The following ACAN variants were observed in gnomAD, a reference collection of about 807,000 sequenced individuals.
The protein encoded by ACAN is aggrecan.
Under a neutral mutation model 169.1 loss-of-function variants are expected in ACAN, and 47 were observed. The observed-to-expected ratio is 0.28, with a 90% confidence interval of 0.22 to 0.35. The LOEUF (loss-of-function observed/expected upper bound fraction) is 0.35, where lower values mean the gene tolerates loss of function less well. Among genes scored for constraint, ACAN ranks in the 10% least tolerant of loss-of-function variants. The pLI, the probability that ACAN is intolerant of heterozygous loss-of-function variation, is 1.00. For synonymous variants in ACAN, 1,115 were observed against 1,112.2 expected (o/e 1.00, Z -0.05); for missense variants, 2,716 against 2,759.9 (o/e 0.98, Z 0.36).
At chr15:88,830,768 G>T (rs745891920) in intron 1 of ACAN, among the ~76,000 whole-genome samples, 4 of 152,164 alleles carry the variant, frequency 2.6e-5, no homozygotes, top group Non-Finnish European at 4.4e-5. Flanking sequence ...GAATGCGAAG[G>T]CCTAGTGCAT....
In ACAN at chr15:88,870,964, C is replaced by G; in HGVS notation, c.7061-418C>G. Reference sequence around the variant, plus strand: ...TACCAGCTTCCACTGCCTCCACACACTTCCCCACAGCTCCACTCCCTCTCT... The same window carrying G: ...TACCAGCTTCCACTGCCTCCACACAGTTCCCCACAGCTCCACTCCCTCTCT... On this transcript the variant is annotated intron_variant, in intron 14 of 18. Coordinates refer to ENST00000560601, the MANE Select transcript of ACAN (RefSeq NM_001369268.1). This position sits in a 1 kb window ranked among gnomAD's most constrained non-coding sequence, Gnocchi z 6.3. Among the ~76,000 whole-genome samples, 1 of 152,220 alleles carries G rather than the reference C, an allele frequency of 6.6e-6. No individual in the cohort carries two copies. The highest frequency in any genetic ancestry group is 1.9e-4 in the East Asian group (1 of 5,194).
At chr15:88,833,473 AG>A (rs1253296670) in intron 1 of ACAN, among the ~76,000 whole-genome samples, 1 of 152,024 alleles carries the variant, frequency 6.6e-6, no homozygotes, top group Non-Finnish European at 1.5e-5. Context: ...CCATGGAGAA[AG>A]GCCTCCCTGT....
At chr15:88,837,739 G>T (rs1033256371) in intron 2 of ACAN, among the ~76,000 whole-genome samples, 4 of 152,156 alleles carry the variant, frequency 2.6e-5, no homozygotes, top group African/African-American at 9.7e-5. Context: ...AGAAGGTTAA[G>T]GCCTGGACTC....
At chr15:88,806,352 AT>A (rs34058187) in intron 1 of ACAN, among the ~76,000 whole-genome samples, 29,231 of 146,868 alleles carry the variant, frequency 0.2, 3,682 homozygotes, top group African/African-American at 0.36. Context: ...TTTGGTGTGA[AT>A]TTTTTTTTTT....
In ACAN at chr15:88,871,303, C is replaced by G; in HGVS notation, c.7061-79C>G. On this transcript the variant is annotated intron_variant, in intron 14 of 18. Transcript: ENST00000560601. The surrounding 1 kb of genome is among the most constrained non-coding windows in gnomAD (Gnocchi z 7.8). ...TGGAAGGTGGGGTGAACGCAGGAACCTATGCCATAAGACTGGCAGCATCTG... is the reference window on the plus strand; with the variant it reads ...TGGAAGGTGGGGTGAACGCAGGAACGTATGCCATAAGACTGGCAGCATCTG... The G allele has an allele frequency of 6.3e-7, 1 of 1,586,974 alleles. No homozygotes were observed. Among genetic ancestry groups the G allele is most frequent in the Non-Finnish European group, 8.6e-7 (1 of 1,163,678 alleles).
Position 88,857,231 on chromosome 15 carries a change from C to T in ACAN, c.4646C>T (p.Pro1549Leu). ...GGATTTGGGGACCTCAGTGGACTTCCTTCTGGAGGAGAAGGTCTAGAGACC... is the reference window on the plus strand; with the variant it reads ...GGATTTGGGGACCTCAGTGGACTTCTTTCTGGAGGAGAAGGTCTAGAGACC... Reference protein sequence around the residue: ...ASGFGDLSGLPSGGEGLETSA... With the variant: ...ASGFGDLSGLLSGGEGLETSA... Residue 1549 changes from proline to leucine, a missense_variant, in exon 12 of 19, where the codon CCT becomes CTT. Coordinates refer to ENST00000560601, the MANE Select transcript of ACAN (RefSeq NM_001369268.1). 1 of 1,613,784 alleles carries T rather than the reference C, an allele frequency of 6.2e-7. No homozygotes were observed. Among genetic ancestry groups the T allele is most frequent in the Non-Finnish European group, 8.5e-7 (1 of 1,179,862 alleles).
At chr15:88,837,952 T>C (rs1205418282) in intron 2 of ACAN, among the ~76,000 whole-genome samples, 4 of 151,874 alleles carry the variant, frequency 2.6e-5, no homozygotes, top group Non-Finnish European at 4.4e-5. Flanking sequence ...AGCAGATCTT[T>C]TGTTTCTAAC....
rs1204384289 is a variant in ACAN at position 88,861,812 on chromosome 15, G to C, written c.6946+1373G>C. 6.6e-6 allele frequency among the ~76,000 whole-genome samples: 1 copy of C among 152,176 alleles called. No homozygotes were observed. The highest frequency in any genetic ancestry group is 1.5e-5 in the Non-Finnish European group (1 of 68,032). On this transcript the variant is annotated intron_variant, in intron 13 of 18. Transcript: ENST00000560601. The surrounding 1 kb of genome is among the most constrained non-coding windows in gnomAD (Gnocchi z 6.3). ...CACTAGCATCAGAAGTCAAAGCAAG[G>C]CTCATGTTCTTGGCAGCCCTGAAAT...
Position 88,838,761 on chromosome 15 carries a change from A to G in ACAN, c.169A>G (p.Met57Val), listed in dbSNP as rs1159549993. 1.2e-6 allele frequency: 2 copies of G among 1,613,634 alleles called. No homozygotes were observed. The highest frequency in any genetic ancestry group is 2.7e-5 in the African/African-American group (2 of 74,850). The change falls in exon 3 of 19, where the codon ATG (methionine) becomes GTG (valine). Residue 57 changes from methionine (M) to valine (V), a missense_variant. Physicochemically the swap from Met to Val is conservative, Grantham distance 21. Around this residue, in one of 3 missense-constraint regions of ACAN, gnomAD observed 1,283 missense variants for 1,281.5 expected, o/e 1.00. Coordinates refer to ENST00000560601, the MANE Select transcript of ACAN (RefSeq NM_001369268.1). The surrounding 1 kb of genome is among the most constrained non-coding windows in gnomAD (Gnocchi z 5.1). Reference sequence around the variant, plus strand: ...CATCCCCTGCTATTTCATCGACCCCATGCACCCTGTGACCACCGCCCCTTC... The same window carrying G: ...CATCCCCTGCTATTTCATCGACCCCGTGCACCCTGTGACCACCGCCCCTTC... ...LTIPCYFIDP[M>V]HPVTTAPSTA...
intron 11 of ACAN, among the ~76,000 whole-genome samples, 183 bp downstream of exon 11, chr15:88,852,216 C>G (rs893178198): frequency 6.6e-6 from 1 of 152,168 alleles, no homozygotes; most frequent in Non-Finnish European, 1.5e-5. Flanking sequence ...AGGACCTGCC[C>G]CAGAGTGACA....
rs1310670437 is a variant in ACAN, at chr15:88,839,989, G to A, written c.455-23G>A. On this transcript the variant is annotated intron_variant, in intron 3 of 18. Coordinates refer to ENST00000560601, the MANE Select transcript of ACAN (RefSeq NM_001369268.1). The surrounding 1 kb of genome is among the most constrained non-coding windows in gnomAD (Gnocchi z 4.5). ...CTGTGCCTGACCAGCTCTTCCGCTT[G>A]TGGGCGTGTATGTGTCTTGCAGGCA... The A allele has an allele frequency of 6.3e-7, 1 of 1,584,644 alleles. No individual in the cohort carries two copies. The highest frequency in any genetic ancestry group is 2.3e-5 in the East Asian group (1 of 43,692).
chr15:88,863,522 C>T (rs571213958), intron 13 of ACAN, among the ~76,000 whole-genome samples: 1 of 152,264 alleles, frequency 6.6e-6, no homozygotes, highest in South Asian at 2.1e-4. Flanking sequence ...ATGTGCCAGC[C>T]AAGGATGAAA....
chr15:88,825,704 C>A (rs546523529), intron 1 of ACAN, among the ~76,000 whole-genome samples: 1 of 152,188 alleles, frequency 6.6e-6, no homozygotes, highest in Admixed American at 6.5e-5. Context: ...AAGGGAATCA[C>A]GACAGAGAGG....
At chr15:88,825,799 A>G (rs1181588757) in intron 1 of ACAN, among the ~76,000 whole-genome samples, 1 of 152,080 alleles carries the variant, frequency 6.6e-6, no homozygotes. Flanking sequence ...TCCACTTCCT[A>G]CTGTGCCCAC....
rs1239958387 is a variant in ACAN at position 88,857,815 on chromosome 15, G to T, written c.5230G>T (p.Asp1744Tyr). 1 of 1,613,830 alleles carries T rather than the reference G, an allele frequency of 6.2e-7. No homozygotes were observed. Among genetic ancestry groups the T allele is most frequent in the Non-Finnish European group, 8.5e-7 (1 of 1,179,916 alleles). The change falls in exon 12 of 19, where the codon GAC becomes TAC. Residue 1744 changes from aspartate (D) to tyrosine (Y), a missense_variant. This residue lies in a region of ACAN where 1,389 missense variants were observed against 1,363.7 expected (regional missense o/e 1.02). Transcript: ENST00000560601. ...GVSGQPSGFP[D>Y]TSGETSGVTE... is the part of the protein sequence containing the mutation. ...CAGTGGACAGCCATCAGGGTTTCCT[G>T]ACACTAGTGGGGAAACATCTGGAGT...
intron 6 of ACAN, among the ~76,000 whole-genome samples, chr15:88,844,817 A>G (rs16942331): frequency 0.021 from 3,164 of 152,350 alleles, 100 homozygotes; most frequent in African/African-American, 0.07. Context: ...CTTGGAGGAA[A>G]AAACAATGCC....
intron 13 of ACAN, among the ~76,000 whole-genome samples, chr15:88,867,850 C>A: frequency 6.6e-6 from 1 of 152,188 alleles, no homozygotes; most frequent in East Asian, 1.9e-4. Flanking sequence ...ACTTCAGAAT[C>A]CATGGTCTCT....
At position 88,847,969 on chromosome 15, in the gene ACAN, G is replaced by A. The variant is rs763836625; in HGVS notation, c.1663G>A (p.Val555Ile). 7 of 1,613,926 alleles carry A rather than the reference G, an allele frequency of 4.3e-6. No homozygotes were observed. The African/African-American group carries it at 8.0e-5, about 18-fold the overall frequency. ...GGGTGACAAGGACAGCAGCCCAGGG[G>A]TCAGGACCTATGGCGTGCGCCCATC... ...CVGDKDSSPG[V>I]RTYGVRPSTE... Residue 555 changes from valine (V) to isoleucine (I), a missense_variant, in exon 9 of 19, where the codon GTC becomes ATC. This residue lies in a region of ACAN where 1,283 missense variants were observed against 1,281.5 expected (regional missense o/e 1.00). Transcript: ENST00000560601.
chr15:88,857,922 C>T lies in ACAN; in HGVS notation c.5337C>T (p.Pro1779=). The change falls in exon 12 of 19, where the codon CCC becomes CCT. Residue 1779 remains proline (P), a synonymous_variant. Coordinates refer to ENST00000560601, the MANE Select transcript of ACAN (RefSeq NM_001369268.1). The part of the protein sequence containing the change: ...ASGVLYGTSQ[P]FGITDLSGET... ...GAGTTCTTTATGGCACTAGTCAACC[C>T]TTTGGCATAACTGATCTGAGTGGAG... 6.2e-7 allele frequency: 1 copy of T among 1,613,776 alleles called. No homozygotes were observed. Among genetic ancestry groups the T allele is most frequent in the Non-Finnish European group, 8.5e-7 (1 of 1,179,866 alleles).
Sources: gnomAD v4.1 joint callset for allele counts (sites outside exome capture counted in the v4.1 genomes callset) on GRCh38, gnomAD v4.1.1 for gene constraint, gnomAD v4.1.1 regional missense constraint, Gnocchi (gnomAD v3.1) non-coding constraint, MANE v1.5 for transcripts, NCBI Gene and HGNC (gene_info 2026-07-23, HGNC 2026-07-21) for gene names.